Variants in OR4D9 observed in about 807,000 individuals in gnomAD.
OR4D9 encodes the protein olfactory receptor family 4 subfamily D member 9.
OR4D9 carries 2 observed loss-of-function variants against 0.8 expected under a neutral mutation model. The observed-to-expected ratio is 2.58, with a 90% CI of 1.06 to 8.13. The LOEUF (loss-of-function observed/expected upper bound fraction) is 8.13, where lower values mean the gene tolerates loss of function less well. Ranked by LOEUF, OR4D9 falls within the 30% of genes most tolerant of loss-of-function variation. The pLI is 0.04. For synonymous variants in OR4D9, 146 were observed against 151.2 expected (o/e 0.97, Z 0.25); for missense variants, 399 against 384.7 (o/e 1.04, Z -0.31).
In OR4D9 at chr11:59,515,990, A is replaced by G; in HGVS notation, c.*133A>G. ...GAGTCCTAAAAGAAGTTATTCCATC[A>G]TATATGTTGGGGACCACGTGGATGA... On this transcript the variant is annotated 3_prime_UTR_variant, in exon 3 of 3. Coordinates refer to ENST00000641962, the MANE Select transcript of OR4D9 (RefSeq NM_001004711.2). The G allele has an allele frequency of 4.4e-6, 3 of 683,032 alleles. No homozygotes were observed. The South Asian group carries it at 6.1e-5, about 14-fold the overall frequency. The allele number at this position is 683,032 out of a possible 1,614,324, so 42.3% of individuals were successfully genotyped here.
intron 1 of OR4D9, among the ~76,000 whole-genome samples, chr11:59,512,214 T>A (rs1024280810): frequency 2.0e-5 from 3 of 152,128 alleles, no homozygotes; most frequent in East Asian, 3.9e-4. Context: ...TGGGGGGGAA[T>A]CCTCAGTTTG....
rs1859459046 is a variant in OR4D9, at chr11:59,520,190, C to G, written c.*4333C>G. On this transcript the variant is annotated 3_prime_UTR_variant, in exon 3 of 3. Coordinates refer to ENST00000641962, the MANE Select transcript of OR4D9 (RefSeq NM_001004711.2). ...TTCTATCTCATGGAACCCTGCCCTTCTAGTCACTACCTGGGTGACAAAATC... is the reference window on the plus strand; with the variant it reads ...TTCTATCTCATGGAACCCTGCCCTTGTAGTCACTACCTGGGTGACAAAATC... 1.3e-5 allele frequency: 2 copies of G among 152,102 alleles called. No individual in the cohort carries two copies. The highest frequency in any genetic ancestry group is 2.4e-5 in the African/African-American group (1 of 41,396). 9.4% of individuals were successfully genotyped at this position (152,102 alleles called of 1,614,324 possible).
chr11:59,518,370 C>A lies in OR4D9; in HGVS notation c.*2513C>A, dbSNP rs1463014489. ...TCTGCAGAAAGAGGGCACAGTGCCA[C>A]ACTGTCATTCAGAAATGCAGGCTTC... On this transcript the variant is annotated 3_prime_UTR_variant, in exon 3 of 3. Coordinates refer to ENST00000641962, the MANE Select transcript of OR4D9 (RefSeq NM_001004711.2). 1 of 152,230 alleles carries A rather than the reference C, an allele frequency of 6.6e-6. No individual in the cohort carries two copies. The highest frequency in any genetic ancestry group is 2.4e-5 in the African/African-American group (1 of 41,440). 9.4% of individuals were successfully genotyped at this position (152,230 alleles called of 1,614,324 possible).
In OR4D9 at chr11:59,514,677, A is replaced by G; in HGVS notation, c.-120A>G. The G allele has an allele frequency of 2.4e-6, 1 of 422,662 alleles. No individual in the cohort carries two copies. Among genetic ancestry groups the G allele is most frequent in the Middle Eastern group, 6.2e-4 (1 of 1,620 alleles). 26.2% of individuals were successfully genotyped at this position (422,662 alleles called of 1,614,324 possible). On this transcript the variant is annotated 5_prime_UTR_variant, in exon 2 of 3. Coordinates refer to ENST00000641962, the MANE Select transcript of OR4D9 (RefSeq NM_001004711.2). ...GACTTGCAACCTCTGTTTCAGCAGC[A>G]GCAGTGAGAGAACTTTGTCTCCTGG... is the stretch of plus-strand genomic sequence containing the variant.
At position 59,517,470 on chromosome 11, in the gene OR4D9, T is replaced by C. The variant is rs945992048; in HGVS notation, c.*1613T>C. On this transcript the variant is annotated 3_prime_UTR_variant, in exon 3 of 3. Coordinates refer to ENST00000641962, the MANE Select transcript of OR4D9 (RefSeq NM_001004711.2). Reference sequence around the variant, plus strand: ...TCTGTTGAGGAGAGAGGATCCCCAATTCACTTCAAGGACATAATTTCCTCC... The same window carrying C: ...TCTGTTGAGGAGAGAGGATCCCCAACTCACTTCAAGGACATAATTTCCTCC... 4 of 152,150 alleles carry C rather than the reference T, an allele frequency of 2.6e-5. No individual in the cohort carries two copies. Among genetic ancestry groups the C allele is most frequent in the Non-Finnish European group, 5.9e-5 (4 of 68,022 alleles). 9.4% of individuals were successfully genotyped at this position (152,150 alleles called of 1,614,324 possible). A position where few individuals can be genotyped will look rare whatever the true frequency, so the allele number is the denominator to read the frequency against.
intron 2 of OR4D9, 22 bp downstream of exon 2, chr11:59,514,788 C>A: frequency 1.5e-6 from 1 of 660,746 alleles, no homozygotes; most frequent in Non-Finnish European, 2.6e-6. Context: ...GGGAAAAGAG[C>A]TTCCTCCTAA....
intron 2 of OR4D9, 42 bp from the exon 3 acceptor site, chr11:59,514,841 G>C: frequency 1.0e-6 from 1 of 1,002,586 alleles, no homozygotes; most frequent in Non-Finnish European, 1.5e-6. Context: ...CTAGATTTTA[G>C]GACCTATCAA....
chr11:59,515,433 T>C lies in OR4D9; in HGVS notation c.521T>C (p.Leu174Pro), dbSNP rs1565093952. The C allele has an allele frequency of 3.1e-6, 5 of 1,614,186 alleles. No individual in the cohort carries two copies. The highest frequency in any genetic ancestry group is 3.4e-6 in the Non-Finnish European group (4 of 1,180,032). The stretch of plus-strand genomic sequence containing the variant: ...CTCCCTTTCTGTGGACCCAATGTTC[T>C]TGACACTTTCTACTGCGATGTCCCC... The part of the protein sequence containing the change: ...LPLPFCGPNV[L>P]DTFYCDVPQV... The change falls in exon 3 of 3, where the codon CTT becomes CCT. Residue 174 changes from leucine (L) to proline (P), a missense_variant. By Grantham distance (98) the Leu-to-Pro change is moderately conservative (BLOSUM62 -3). Transcript: ENST00000641962.
chr11:59,513,572 G>GT (rs1330486307), intron 1 of OR4D9, among the ~76,000 whole-genome samples: 10 of 152,222 alleles, frequency 6.6e-5, no homozygotes, highest in South Asian at 4.1e-4. Context: ...TTGTGTGAAC[G>GT]TAACACAGTT....
Position 59,511,602 on chromosome 11 carries a change from C to T in OR4D9, c.-269C>T, listed in dbSNP as rs1859328804. On this transcript the variant is annotated 5_prime_UTR_variant, in exon 1 of 3. Transcript: ENST00000641962. Reference sequence around the variant, plus strand: ...GAGGCATCATAAGAGGATCAATTTCCCACTTAAAGATTAAACCAGCAGTTA... The same window carrying T: ...GAGGCATCATAAGAGGATCAATTTCTCACTTAAAGATTAAACCAGCAGTTA... The T allele has an allele frequency of 6.6e-6, 1 of 152,168 alleles. No individual in the cohort carries two copies. The highest frequency in any genetic ancestry group is 2.4e-5 in the African/African-American group (1 of 41,436). 9.4% of individuals were successfully genotyped at this position (152,168 alleles called of 1,614,324 possible).
rs1859434627 is a variant in OR4D9, at chr11:59,518,597, A to G, written c.*2740A>G. The G allele has an allele frequency of 6.6e-6, 1 of 152,236 alleles. No homozygotes were observed. 9.4% of individuals were successfully genotyped at this position (152,236 alleles called of 1,614,324 possible). A position where few individuals can be genotyped will look rare whatever the true frequency, so the allele number is the denominator to read the frequency against. ...GAGATGAGGTCTCACTAAGTTGCCC[A>G]GGCTGGTTGAAATTCTTGGACTCAA... On this transcript the variant is annotated 3_prime_UTR_variant, in exon 3 of 3. Coordinates refer to ENST00000641962, the MANE Select transcript of OR4D9 (RefSeq NM_001004711.2).
rs370143190 is a variant in OR4D9, at chr11:59,515,885, T to C, written c.*28T>C. The C allele has an allele frequency of 1.4e-5, 21 of 1,481,708 alleles. No individual in the cohort carries two copies. The highest frequency in any genetic ancestry group is 4.2e-5 in the Admixed American group (2 of 48,036). The allele number at this position is 1,481,708 out of a possible 1,614,324, so 91.8% of individuals were successfully genotyped here. A position where few individuals can be genotyped will look rare whatever the true frequency, so the allele number is the denominator to read the frequency against. On this transcript the variant is annotated 3_prime_UTR_variant, in exon 3 of 3. Coordinates refer to ENST00000641962, the MANE Select transcript of OR4D9 (RefSeq NM_001004711.2). ...GTAAGATAGTACCCATATTTAAAGA[T>C]AGACATTAAATTTCACTTTCTCAAA...
chr11:59,513,712 C>T (rs1859361210), intron 1 of OR4D9, among the ~76,000 whole-genome samples: 1 of 152,034 alleles, frequency 6.6e-6, no homozygotes. Context: ...GTAGGAAGAT[C>T]ACCCGAGGCC....
At chr11:59,512,086 A>G (rs549252975) in intron 1 of OR4D9, among the ~76,000 whole-genome samples, 2 of 152,298 alleles carry the variant, frequency 1.3e-5, no homozygotes, top group Non-Finnish European at 2.9e-5. Flanking sequence ...TAGGGATTCA[A>G]TCAAGAATAA....
In OR4D9 at chr11:59,515,720, G is replaced by A. The variant is rs779339229; in HGVS notation, c.808G>A (p.Ala270Thr). The change falls in exon 3 of 3, where the codon GCC becomes ACC. Residue 270 changes from alanine to threonine, a missense_variant. Coordinates refer to ENST00000641962, the MANE Select transcript of OR4D9 (RefSeq NM_001004711.2). The part of the protein sequence containing the change: ...RPFTALPTDT[A>T]ISVTFTVISP... ...CTTCACTGCCCTCCCCACAGACACT[G>A]CCATCTCTGTCACCTTCACTGTCAT... is the stretch of plus-strand genomic sequence containing the variant. 1.2e-6 allele frequency: 2 copies of A among 1,613,898 alleles called. No individual in the cohort carries two copies. The highest frequency in any genetic ancestry group is 2.7e-5 in the African/African-American group (2 of 74,844).
Position 59,515,176 on chromosome 11 carries a change from G to A in OR4D9, c.264G>A (p.Glu88=). 6.2e-7 allele frequency: 1 copy of A among 1,614,106 alleles called. No homozygotes were observed. Among genetic ancestry groups the A allele is most frequent in the Non-Finnish European group, 8.5e-7 (1 of 1,180,022 alleles). The change falls in exon 3 of 3, where the codon GAG becomes GAA. Residue 88 remains glutamate, a synonymous_variant. Coordinates refer to ENST00000641962, the MANE Select transcript of OR4D9 (RefSeq NM_001004711.2). ...AGGTCCTGATAGATCTTCTATCAGA[G>A]ACAAAAACCATCTCCTTCAGTGGCT... The part of the protein sequence containing the change: ...APKVLIDLLS[E]TKTISFSGCV...
In OR4D9 at chr11:59,520,562, T is replaced by C. The variant is rs1464031399; in HGVS notation, c.*4705T>C. 1.3e-5 allele frequency: 2 copies of C among 151,926 alleles called. No individual in the cohort carries two copies. Among genetic ancestry groups the C allele is most frequent in the African/African-American group, 4.8e-5 (2 of 41,388 alleles). The allele number at this position is 151,926 out of a possible 1,614,324, so 9.4% of individuals were successfully genotyped here. A position where few individuals can be genotyped will look rare whatever the true frequency, so the allele number is the denominator to read the frequency against. On this transcript the variant is annotated 3_prime_UTR_variant, in exon 3 of 3. Transcript: ENST00000641962. ...CCAGCATGGCACATGTATATGTATG[T>C]AACTAACCTGCACATTGTGCACATG...
At chr11:59,512,031 C>A (rs757031296) in intron 1 of OR4D9, among the ~76,000 whole-genome samples, 2 of 152,062 alleles carry the variant, frequency 1.3e-5, no homozygotes, top group Non-Finnish European at 2.9e-5. Context: ...ATTATCTGTG[C>A]CTTCATGTAC....
intron 1 of OR4D9, among the ~76,000 whole-genome samples, chr11:59,513,877 G>T (rs11229982): frequency 0.011 from 1,713 of 152,272 alleles, 18 homozygotes; most frequent in Middle Eastern, 0.027. Flanking sequence ...AGGCTGAAGT[G>T]GGAGGATCGC....
Sources: gnomAD v4.1 joint callset for allele counts (sites outside exome capture counted in the v4.1 genomes callset) on GRCh38, gnomAD v4.1.1 for gene constraint, MANE v1.5 for transcripts, NCBI Gene and HGNC (gene_info 2026-07-23, HGNC 2026-07-21) for gene names.